Variants in CACNA2D1 observed in about 807,000 individuals in gnomAD.
CACNA2D1 encodes the protein voltage-dependent calcium channel subunit alpha-2/delta-1.
Under a neutral mutation model 171.5 loss-of-function variants are expected in CACNA2D1, and 53 were observed. The ratio of observed to expected loss-of-function variants is 0.31; its 90% CI spans 0.25 to 0.39. The LOEUF is 0.39. Ranked by LOEUF, CACNA2D1 falls within the 10% of genes least tolerant of loss-of-function variation. CACNA2D1 has a pLI of 1.00. For synonymous variants in CACNA2D1, 442 were observed against 443.1 expected (o/e 1.00, Z 0.03); for missense variants, 903 against 1,299.8 (o/e 0.69, Z 4.69).
At chr7:82,083,441 T>C (rs897674760) in intron 7 of CACNA2D1, among the ~76,000 whole-genome samples, 7 of 151,824 alleles carry the variant, frequency 4.6e-5, no homozygotes, top group African/African-American at 1.4e-4. Context: ...ATAAGTATTA[T>C]ATAATATAAT....
At chr7:82,117,268 A>T (rs893037060) in intron 5 of CACNA2D1, 95 bp from the exon 6 acceptor site, 2 of 1,195,264 alleles carry the variant, frequency 1.7e-6, no homozygotes, top group Middle Eastern at 2.0e-4. Context: ...TATTTTTCAA[A>T]AAATAAATCT....
chr7:81,952,763 G>T (rs192456375), intron 38 of CACNA2D1, among the ~76,000 whole-genome samples: 8 of 151,952 alleles, frequency 5.3e-5, no homozygotes, highest in African/African-American at 1.9e-4. Context: ...CTAATCCCCA[G>T]TCCTATGGCT....
At chr7:82,140,060 G>A (rs552258434) in intron 4 of CACNA2D1, among the ~76,000 whole-genome samples, 1 of 151,696 alleles carries the variant, frequency 6.6e-6, no homozygotes, top group Non-Finnish European at 1.5e-5. Context: ...CAAAGTGTTG[G>A]GATTACAGGC....
At chr7:82,220,542 T>C (rs1801629388) in intron 3 of CACNA2D1, among the ~76,000 whole-genome samples, 1 of 152,126 alleles carries the variant, frequency 6.6e-6, no homozygotes, top group African/African-American at 2.4e-5. Context: ...GTATTAGAAA[T>C]TAAACTGAGA....
chr7:82,104,236 T>A (rs1813044915), intron 6 of CACNA2D1, among the ~76,000 whole-genome samples: 1 of 152,048 alleles, frequency 6.6e-6, no homozygotes, highest in South Asian at 2.1e-4. Flanking sequence ...AAAGAGGATG[T>A]TTATATGTAC....
chr7:82,189,372 C>A (rs1450548820), intron 3 of CACNA2D1, among the ~76,000 whole-genome samples: 2 of 151,856 alleles, frequency 1.3e-5, no homozygotes, highest in Non-Finnish European at 2.9e-5. Context: ...TAAATTTTTC[C>A]ATTTAGCTGA....
chr7:82,272,940 GA>G (rs1300551541), intron 3 of CACNA2D1, among the ~76,000 whole-genome samples: 3 of 152,022 alleles, frequency 2.0e-5, no homozygotes, highest in Non-Finnish European at 4.4e-5. Context: ...TATGAGATCA[GA>G]AATATTTGTT....
chr7:82,168,716 T>C (rs199833457), intron 4 of CACNA2D1, among the ~76,000 whole-genome samples: 3 of 62,338 alleles, frequency 4.8e-5, no homozygotes, highest in East Asian at 1.2e-3. Context: ...GAAACAACAA[T>C]GATATAGGCA....
intron 4 of CACNA2D1, among the ~76,000 whole-genome samples, chr7:82,138,414 C>T (rs945575717): frequency 3.5e-5 from 5 of 144,878 alleles, no homozygotes; most frequent in East Asian, 2.1e-4. Context: ...TGAAACATTT[C>T]TTATAGCATT....
chr7:82,418,209 A>G (rs571268038), intron 1 of CACNA2D1, among the ~76,000 whole-genome samples: 37 of 152,200 alleles, frequency 2.4e-4, no homozygotes, highest in African/African-American at 8.4e-4. Flanking sequence ...ATCAAATCTC[A>G]TGAGAACGAA....
chr7:82,116,988 A>T (rs893972800), intron 6 of CACNA2D1, 56 bp downstream of exon 6: 2 of 1,595,712 alleles, frequency 1.3e-6, no homozygotes, highest in Admixed American at 3.3e-5. Context: ...AACATGGGAA[A>T]CATAAGACAG....
chr7:82,195,430 G>C (rs1335728908), intron 3 of CACNA2D1, among the ~76,000 whole-genome samples: 2 of 151,988 alleles, frequency 1.3e-5, no homozygotes, highest in Non-Finnish European at 2.9e-5. Context: ...ATACAGCACA[G>C]ATTGGAGATT....
At chr7:82,291,148 A>AGATAATTCTATATCGATATAGAAT (rs1811487967) in intron 3 of CACNA2D1, among the ~76,000 whole-genome samples, 1 of 129,562 alleles carries the variant, frequency 7.7e-6, no homozygotes, top group Non-Finnish European at 1.6e-5. Context: ...CCACTTGTAC[A>AGATAATTCTATATCGATATAGAAT]TATAATTCTA....
chr7:82,396,010 G>A (rs1242893281), intron 1 of CACNA2D1, among the ~76,000 whole-genome samples: 3 of 152,142 alleles, frequency 2.0e-5, no homozygotes, highest in Non-Finnish European at 4.4e-5. Context: ...CAGCATTACA[G>A]AATTGTTTGG....
intron 4 of CACNA2D1, among the ~76,000 whole-genome samples, chr7:82,156,064 C>T (rs3801739): frequency 0.25 from 37,964 of 151,892 alleles, 5,075 homozygotes; most frequent in Middle Eastern, 0.31. Flanking sequence ...TTTTATATCA[C>T]CATAAGATTT....
chr7:82,022,467 T>C (rs1405736761), intron 12 of CACNA2D1, among the ~76,000 whole-genome samples: 5 of 152,034 alleles, frequency 3.3e-5, no homozygotes, highest in Middle Eastern at 3.4e-3. Flanking sequence ...ATGTGTTAAA[T>C]AGAATTAAAT....
intron 12 of CACNA2D1, chr7:82,028,578 T>C (rs1004116526): frequency 1.3e-5 from 2 of 151,806 alleles, no homozygotes; most frequent in South Asian, 2.1e-4. Flanking sequence ...GAAAACCTTC[T>C]AGAAAGATCC....
intron 12 of CACNA2D1, among the ~76,000 whole-genome samples, chr7:82,018,816 T>G (rs1205187486): frequency 1.3e-5 from 2 of 151,532 alleles, no homozygotes; most frequent in East Asian, 3.9e-4. Flanking sequence ...GACCCCCATC[T>G]CTACTAAAAA....
intron 5 of CACNA2D1, among the ~76,000 whole-genome samples, chr7:82,128,096 G>T (rs1790541779): frequency 7.0e-6 from 1 of 142,324 alleles, no homozygotes. Context: ...GCTAATTTTA[G>T]TTTTTTTTTT....
Sources: allele counts gnomAD v4.1 joint callset (sites outside exome capture counted in the v4.1 genomes callset), GRCh38; gene constraint gnomAD v4.1.1; transcripts MANE v1.5; gene names NCBI Gene and HGNC (gene_info 2026-07-23, HGNC 2026-07-21).